UBE3B: variants seen among roughly 807,000 people sequenced by gnomAD.
UBE3B encodes ubiquitin protein ligase E3B.
Under a neutral mutation model 132.3 loss-of-function variants are expected in UBE3B, and 80 were observed. The ratio of observed to expected loss-of-function variants is 0.60; its 90% CI spans 0.50 to 0.73. UBE3B has a LOEUF of 0.73. Ranked by LOEUF, UBE3B falls within the 30% of genes least tolerant of loss-of-function variation. The pLI is 0.00. For missense variants in UBE3B, 1,196 were observed against 1,362.5 expected, an observed-to-expected ratio of 0.88 and a Z score of 1.92; for synonymous variants, 487 against 520.4, an observed-to-expected ratio of 0.94 and a Z score of 0.87.
rs1394485631 is a variant in UBE3B at position 109,516,855 on chromosome 12, A to G, written c.2047A>G (p.Ile683Val). Reference sequence around the variant, plus strand: ...CTCTGCCTCCCCGCATGTCACTCACATCACCATCCGCCGGTCCAGGATGCT... The same window carrying G: ...CTCTGCCTCCCCGCATGTCACTCACGTCACCATCCGCCGGTCCAGGATGCT... ...TSSASPHVTH[I>V]TIRRSRMLED... Residue 683 changes from isoleucine to valine, a missense_variant, in exon 19 of 28, where the codon ATC (isoleucine) becomes GTC (valine). Physicochemically the swap from Ile to Val is conservative, Grantham distance 29. Transcript: ENST00000342494. 13 of 1,614,086 alleles carry G rather than the reference A, an allele frequency of 8.1e-6. No homozygotes were observed. The highest frequency in any genetic ancestry group is 1.1e-5 in the Non-Finnish European group (13 of 1,180,010).
At chr12:109,547,453 G>A in the UBE3B span, among the ~76,000 whole-genome samples, 7 of 152,222 alleles carry the variant, frequency 4.6e-5, no homozygotes, top group Non-Finnish European at 8.8e-5. The surrounding 1 kb of genome is among the most constrained non-coding windows in gnomAD (Gnocchi z 4.1). Context: ...GCGCGTACGC[G>A]CGCACACACA....
At chr12:109,541,318 AG>A (rs1230873509), downstream of UBE3B, among the ~76,000 whole-genome samples, 1 of 152,200 alleles carries the variant, frequency 6.6e-6, no homozygotes, top group Admixed American at 6.5e-5. Flanking sequence ...TCAAGGGCAC[AG>A]GCCTTGACCT....
Position 109,483,661 on chromosome 12 carries a change from A to G in UBE3B, c.110A>G (p.Gln37Arg). The change falls in exon 3 of 28, where the codon CAG becomes CGG. Residue 37 changes from glutamine to arginine, a missense_variant. Coordinates refer to ENST00000342494, the MANE Select transcript of UBE3B (RefSeq NM_130466.4). ...KERERAAVVIQAHVRSFLCRS... is the reference protein window; with the variant it reads ...KERERAAVVIRAHVRSFLCRS... Reference sequence around the variant, plus strand: ...CGGGAGCGGGCAGCTGTTGTGATCCAGGCCCATGTCCGGAGTTTTCTCTGT... The same window carrying G: ...CGGGAGCGGGCAGCTGTTGTGATCCGGGCCCATGTCCGGAGTTTTCTCTGT... The G allele has an allele frequency of 6.2e-7, 1 of 1,612,856 alleles. No individual in the cohort carries two copies. The highest frequency in any genetic ancestry group is 1.1e-5 in the South Asian group (1 of 90,820).
At chr12:109,538,985 G>A (rs1039483572), downstream of UBE3B, among the ~76,000 whole-genome samples, 1 of 152,184 alleles carries the variant, frequency 6.6e-6, no homozygotes, top group Non-Finnish European at 1.5e-5. This position sits in a 1 kb window ranked among gnomAD's most constrained non-coding sequence, Gnocchi z 4.1. Context: ...CCTGTAATCT[G>A]AACACTTTGG....
chr12:109,503,645 T>A (rs6606727), intron 14 of UBE3B, among the ~76,000 whole-genome samples: 25,643 of 152,152 alleles, frequency 0.17, 2,198 homozygotes, highest in African/African-American at 0.18. Context: ...CACAAATTCT[T>A]CGAAAACCTT....
At chr12:109,508,859 C>T in intron 15 of UBE3B, 1 of 592,194 alleles carries the variant, frequency 1.7e-6, no homozygotes, top group Non-Finnish European at 2.1e-6. Context: ...TACTAAGTAC[C>T]TGCTAAGTGT....
At chr12:109,524,398 C>G (rs770499603) in intron 22 of UBE3B, 40 bp from the exon 23 acceptor site, 128 of 1,611,332 alleles carry the variant, frequency 7.9e-5, no homozygotes, top group Admixed American at 1.7e-5. Flanking sequence ...GCACATAGTG[C>G]TCCATGGCCC....
Position 109,516,846 on chromosome 12 carries a change from GTCAC to G in UBE3B, c.2043_2046del (p.His682SerfsTer24). On this transcript the variant is annotated frameshift_variant, in exon 19 of 28. Coordinates refer to ENST00000342494, the MANE Select transcript of UBE3B (RefSeq NM_130466.4). LOFTEE classifies it high-confidence loss of function. ...GGAAACCAGCTCTGCCTCCCCGCAT[GTCAC>G]TCACATCACCATCCGCCGGTCCAGG... The G allele has an allele frequency of 6.2e-7, 1 of 1,614,080 alleles. No individual in the cohort carries two copies. Among genetic ancestry groups the G allele is most frequent in the Non-Finnish European group, 8.5e-7 (1 of 1,180,032 alleles).
chr12:109,499,505 G>T, intron 11 of UBE3B, 128 bp from the exon 12 acceptor site: 2 of 912,454 alleles, frequency 2.2e-6, no homozygotes, highest in Non-Finnish European at 3.0e-6. Context: ...GCATTGACAG[G>T]TGCCCCTTAT....
In UBE3B at chr12:109,511,313, A is replaced by T. The variant is rs749739500; in HGVS notation, c.1956+10A>T. 1 of 1,613,244 alleles carries T rather than the reference A, an allele frequency of 6.2e-7. No homozygotes were observed. The highest frequency in any genetic ancestry group is 8.5e-7 in the Non-Finnish European group (1 of 1,179,330). ...CATCCCTCACAAAAACGTGAGTTGC[A>T]CTCAGAGCTGGGCCCCGATGTGTCT... On this transcript the variant is annotated intron_variant, in intron 18 of 27. Transcript: ENST00000342494.
intron 9 of UBE3B, among the ~76,000 whole-genome samples, chr12:109,493,811 A>G (rs987369551): frequency 6.6e-6 from 1 of 152,152 alleles, no homozygotes; most frequent in Non-Finnish European, 1.5e-5. Context: ...TCCTCACCAC[A>G]TTCTCTTATC....
the UBE3B span, among the ~76,000 whole-genome samples, chr12:109,542,206 C>T: frequency 3.3e-4 from 50 of 152,300 alleles, no homozygotes; most frequent in African/African-American, 1.1e-3. Context: ...CCTGTGTCAT[C>T]ACTGCCTCCT....
At chr12:109,506,168 C>G (rs1286928955) in intron 14 of UBE3B, among the ~76,000 whole-genome samples, 1 of 152,182 alleles carries the variant, frequency 6.6e-6, no homozygotes, top group Non-Finnish European at 1.5e-5. Context: ...ACTGCATTTC[C>G]ACTTTTAACA....
At chr12:109,512,176 C>T in intron 18 of UBE3B, among the ~76,000 whole-genome samples, 1 of 152,118 alleles carries the variant, frequency 6.6e-6, no homozygotes, top group African/African-American at 2.4e-5. Context: ...ACCCAAATCT[C>T]CTGACTGCCC....
Position 109,488,568 on chromosome 12 carries a change from C to T in UBE3B, c.448-4C>T. On this transcript the variant is annotated splice_polypyrimidine_tract_variant and splice_region_variant and intron_variant, in intron 6 of 27. Transcript: ENST00000342494. ...CTTAATCTTGCTGTGTTTATTGTTTCCAGCCTGAAATCCTGCAGGACTCCC... is the reference window on the plus strand; with the variant it reads ...CTTAATCTTGCTGTGTTTATTGTTTTCAGCCTGAAATCCTGCAGGACTCCC... The T allele has an allele frequency of 6.2e-7, 1 of 1,613,550 alleles. No homozygotes were observed. The highest frequency in any genetic ancestry group is 8.5e-7 in the Non-Finnish European group (1 of 1,179,474).
At chr12:109,498,983 G>A (rs773343082) in intron 11 of UBE3B, among the ~76,000 whole-genome samples, 1 of 151,810 alleles carries the variant, frequency 6.6e-6, no homozygotes, top group African/African-American at 2.4e-5. Flanking sequence ...ACACTACCAC[G>A]GCCGACTAAT....
intron 26 of UBE3B, among the ~76,000 whole-genome samples, chr12:109,533,235 T>A (rs1179675811): frequency 6.6e-6 from 1 of 152,122 alleles, no homozygotes; most frequent in Non-Finnish European, 1.5e-5. Context: ...CAGTCGCACC[T>A]ATTGGGTATG....
chr12:109,517,659 G>A (rs966301968), intron 19 of UBE3B, among the ~76,000 whole-genome samples: 2 of 152,172 alleles, frequency 1.3e-5, no homozygotes, highest in Non-Finnish European at 2.9e-5. Context: ...TGGTGACTGA[G>A]CCACAGTCCC....
chr12:109,502,922 G>A, intron 13 of UBE3B, 101 bp from the exon 14 acceptor site: 1 of 1,442,684 alleles, frequency 6.9e-7, no homozygotes, highest in Non-Finnish European at 9.7e-7. Flanking sequence ...GTCTGGCCTG[G>A]CTGTGCATTT....
Sources: gnomAD v4.1 joint callset for allele counts (sites outside exome capture counted in the v4.1 genomes callset) on GRCh38, gnomAD v4.1.1 for gene constraint, Gnocchi (gnomAD v3.1) non-coding constraint, MANE v1.5 for transcripts, NCBI Gene and HGNC (gene_info 2026-07-23, HGNC 2026-07-21) for gene names.